The following CSMD1 variants were observed in gnomAD, a reference collection of about 807,000 sequenced individuals.
The protein encoded by CSMD1 is CUB and sushi domain-containing protein 1.
A neutral mutation model predicts 417.5 loss-of-function variants in CSMD1; 213 were observed. The observed-to-expected ratio is 0.51, with a 90% CI of 0.46 to 0.57. The LOEUF (loss-of-function observed/expected upper bound fraction) is 0.57. Ranked by LOEUF, CSMD1 falls within the 20% of genes least tolerant of loss-of-function variation. The probability of loss-of-function intolerance (pLI) is 0.00; values close to 1 mark genes in which losing one functional copy is unlikely to be tolerated. For synonymous variants in CSMD1, 2,862 were observed against 1,736.8 expected (o/e 1.65, Z -16.11); for missense variants, 6,923 against 4,529.7 (o/e 1.53, Z -15.17).
At position 4,515,345 on chromosome 8, in the gene CSMD1, T is replaced by C. The variant is rs372882068; in HGVS notation, c.303-95280A>G. Among the ~76,000 whole-genome samples, 43 of 152,310 alleles carry C rather than the reference T, an allele frequency of 2.8e-4. No homozygotes were observed. In the East Asian group the frequency reaches 7.2e-3, roughly 25 times the overall value. On this transcript the variant is annotated intron_variant, in intron 2 of 69. Coordinates refer to ENST00000635120, the MANE Select transcript of CSMD1 (RefSeq NM_033225.6). ...AAATAAACAATAGTTATGGCCTCGCTTGATAGGTGCCATGACATAGTGGAG... is the reference window on the plus strand; with the variant it reads ...AAATAAACAATAGTTATGGCCTCGCCTGATAGGTGCCATGACATAGTGGAG...
chr8:4,105,906 C>T (rs547349522), intron 3 of CSMD1, among the ~76,000 whole-genome samples: 11 of 152,202 alleles, frequency 7.2e-5, no homozygotes, highest in African/African-American at 2.2e-4. Flanking sequence ...CTGGCCCCTG[C>T]AGGCTTCAGC....
At chr8:4,922,528 C>A (rs538693101) in intron 1 of CSMD1, among the ~76,000 whole-genome samples, 1 of 152,258 alleles carries the variant, frequency 6.6e-6, no homozygotes, top group East Asian at 1.9e-4. Context: ...GCTGGGCAAA[C>A]CATTCACACC....
rs141908476 is a variant in CSMD1 at position 3,779,902 on chromosome 8, G to C, written c.819-25860C>G. ...GTTTCATTTATTTTTTTCTCTCATG[G>C]CCTGTCTCCCAGATCCACTGCTTGT... is the stretch of plus-strand genomic sequence containing the variant. On this transcript the variant is annotated intron_variant, in intron 5 of 69. Transcript: ENST00000635120. Among the ~76,000 whole-genome samples, 1,314 of 152,108 alleles carry C rather than the reference G, an allele frequency of 8.6e-3. 15 individuals are homozygous for C. Among genetic ancestry groups the C allele is most frequent in the South Asian group, 0.024 (114 of 4,812 alleles).
chr8:4,751,178 A>C (rs1222001552), intron 1 of CSMD1, among the ~76,000 whole-genome samples: 1 of 152,194 alleles, frequency 6.6e-6, no homozygotes, highest in African/African-American at 2.4e-5. Flanking sequence ...TGAGGTAAGG[A>C]ATTCCAGACC....
At chr8:4,525,722 G>A (rs1240603528) in intron 2 of CSMD1, among the ~76,000 whole-genome samples, 3 of 152,152 alleles carry the variant, frequency 2.0e-5, no homozygotes, top group Non-Finnish European at 4.4e-5. Context: ...ATGGTCAGGT[G>A]TCACCTCGTC....
intron 46 of CSMD1, among the ~76,000 whole-genome samples, chr8:3,103,320 G>A (rs1815892678): frequency 1.3e-5 from 2 of 152,008 alleles, no homozygotes; most frequent in African/African-American, 4.8e-5. Context: ...ATGAAAAATA[G>A]CAGCCCCACC....
chr8:4,321,187 G>T (rs971169515), intron 3 of CSMD1, among the ~76,000 whole-genome samples: 2 of 152,086 alleles, frequency 1.3e-5, no homozygotes, highest in African/African-American at 4.8e-5. Flanking sequence ...TCAAAGTGTA[G>T]GGTTCAACAT....
rs1808415492 is a variant in CSMD1, at chr8:4,947,030, T to C, written c.85+47302A>G. Among the ~76,000 whole-genome samples the C allele has an allele frequency of 2.0e-5, 3 of 152,312 alleles. No homozygotes were observed. The South Asian group carries it at 6.2e-4, about 32-fold the overall frequency. On this transcript the variant is annotated intron_variant, in intron 1 of 69. Transcript: ENST00000635120. ...TAAACAATCAGCAAAATAAGAACTT[T>C]CTTTTACCAGTAGTATTGTTGCAAA... is the stretch of plus-strand genomic sequence containing the variant.
intron 5 of CSMD1, among the ~76,000 whole-genome samples, chr8:3,851,583 G>T (rs1425750508): frequency 1.3e-5 from 2 of 152,200 alleles, no homozygotes; most frequent in Non-Finnish European, 2.9e-5. Flanking sequence ...GCAGGCCAAG[G>T]GAGGGCAGGG....
chr8:4,555,396 C>T (rs1798045746), intron 2 of CSMD1, among the ~76,000 whole-genome samples: 1 of 152,096 alleles, frequency 6.6e-6, no homozygotes, highest in Non-Finnish European at 1.5e-5. Context: ...ATTTGGGTTT[C>T]CTCTCCAGCG....
chr8:3,700,954 A>G (rs913953780), intron 7 of CSMD1, among the ~76,000 whole-genome samples: 3 of 151,558 alleles, frequency 2.0e-5, no homozygotes, highest in Admixed American at 1.3e-4. Context: ...GGGCAGGGAG[A>G]GGCTGAGGAT....
chr8:4,744,604 A>T (rs190241669), intron 1 of CSMD1, among the ~76,000 whole-genome samples: 1 of 152,196 alleles, frequency 6.6e-6, no homozygotes, highest in Admixed American at 6.5e-5. Context: ...GTGGTAGCAA[A>T]AATTAGCCAT....
At chr8:3,205,827 C>T (rs968169613) in intron 30 of CSMD1, among the ~76,000 whole-genome samples, 2 of 151,940 alleles carry the variant, frequency 1.3e-5, no homozygotes, top group Non-Finnish European at 2.9e-5. Flanking sequence ...AGGAGAAAAA[C>T]CTAATATTAT....
chr8:3,428,133 A>G lies in CSMD1; in HGVS notation c.1562-18528T>C, dbSNP rs541852431. On this transcript the variant is annotated intron_variant, in intron 12 of 69. Transcript: ENST00000635120. Reference sequence around the variant, plus strand: ...AAATTTGAAATTAAATAGATGTTAAATTATTATATAGGTTTTAGAAGTTCT... The same window carrying G: ...AAATTTGAAATTAAATAGATGTTAAGTTATTATATAGGTTTTAGAAGTTCT... Among the ~76,000 whole-genome samples, 3 of 152,338 alleles carry G rather than the reference A, an allele frequency of 2.0e-5. No homozygotes were observed. The East Asian group carries it at 5.8e-4, about 29-fold the overall frequency.
chr8:4,106,001 G>A (rs1007370593), intron 3 of CSMD1, among the ~76,000 whole-genome samples: 2 of 152,200 alleles, frequency 1.3e-5, no homozygotes, highest in Non-Finnish European at 2.9e-5. Context: ...GCAGGAGATT[G>A]CATCTTCGGG....
intron 28 of CSMD1, among the ~76,000 whole-genome samples, chr8:3,220,908 A>G (rs945367597): frequency 6.6e-6 from 1 of 152,146 alleles, no homozygotes; most frequent in African/African-American, 2.4e-5. Flanking sequence ...CTTCTTCTCT[A>G]TAGCAGGTTT....
At chr8:3,489,298 C>G (rs1000305795) in intron 11 of CSMD1, among the ~76,000 whole-genome samples, 2 of 152,168 alleles carry the variant, frequency 1.3e-5, no homozygotes, top group Non-Finnish European at 2.9e-5. Context: ...TCTGGTTAGG[C>G]AGAGGCTACC....
At chr8:3,692,440 C>T (rs992401527) in intron 7 of CSMD1, among the ~76,000 whole-genome samples, 5 of 137,118 alleles carry the variant, frequency 3.6e-5, no homozygotes, top group African/African-American at 1.3e-4. Flanking sequence ...TATACTTTAA[C>T]AATAATTTTT....
chr8:3,483,093 C>G (rs1817836109), intron 11 of CSMD1, among the ~76,000 whole-genome samples: 1 of 151,824 alleles, frequency 6.6e-6, no homozygotes, highest in South Asian at 2.1e-4. Flanking sequence ...AAAATAGACT[C>G]AAAGAAACTA....
Sources: gnomAD v4.1 joint callset for allele counts (sites outside exome capture counted in the v4.1 genomes callset) on GRCh38, gnomAD v4.1.1 for gene constraint, MANE v1.5 for transcripts, NCBI Gene and HGNC (gene_info 2026-07-23, HGNC 2026-07-21) for gene names.